CCR5AS: variants seen among roughly 807,000 people sequenced by gnomAD.
The protein encoded by CCR5AS is CCR5 antisense RNA.
At chr3:46,407,019 A>G (rs988801807) in exon 1 of CCR5AS, 10 of 152,564 alleles carry the variant, frequency 6.6e-5, no homozygotes, top group African/African-American at 2.4e-4. Flanking sequence ...GTCACCACAT[A>G]CCTTCCTCCC....
chr3:46,401,842 A>T (rs1430421425), intron 1 of CCR5AS, among the ~76,000 whole-genome samples: 1 of 151,322 alleles, frequency 6.6e-6, no homozygotes, highest in Non-Finnish European at 1.5e-5. Context: ...TAGTATTTGT[A>T]TGTCTAAGGA....
At chr3:46,377,495 T>C (rs771113791) in intron 2 of CCR5AS, among the ~76,000 whole-genome samples, 2 of 152,228 alleles carry the variant, frequency 1.3e-5, no homozygotes, top group Non-Finnish European at 2.9e-5. Flanking sequence ...GGGTTCTTAG[T>C]TTAAATCGCT....
intron 2 of CCR5AS, chr3:46,375,263 G>A (rs780412321): frequency 2.4e-5 from 4 of 166,940 alleles, no homozygotes; most frequent in Non-Finnish European, 5.9e-5. Flanking sequence ...ATGAATACAC[G>A]AGGTATGAGG....
chr3:46,372,440 AT>A (rs1701675835), intron 2 of CCR5AS, among the ~76,000 whole-genome samples: 1 of 151,960 alleles, frequency 6.6e-6, no homozygotes, highest in African/African-American at 2.4e-5. Context: ...AGGTGAGAGG[AT>A]TGCTTGAGCC....
At chr3:46,373,417 A>C (rs377330713) in intron 2 of CCR5AS, 244 of 1,612,314 alleles carry the variant, frequency 1.5e-4, no homozygotes, top group Non-Finnish European at 1.9e-4. Flanking sequence ...TCTCAAAAAG[A>C]AGGTCTTCAT....
At chr3:46,379,005 T>C (rs1007689021) in intron 2 of CCR5AS, among the ~76,000 whole-genome samples, 6 of 151,042 alleles carry the variant, frequency 4.0e-5, no homozygotes, top group Non-Finnish European at 7.4e-5. Flanking sequence ...AAATTTCTTT[T>C]TTTTTTTTTT....
At chr3:46,406,244 C>G (rs564621835) in intron 1 of CCR5AS, among the ~76,000 whole-genome samples, 1 of 152,120 alleles carries the variant, frequency 6.6e-6, no homozygotes, top group African/African-American at 2.4e-5. Flanking sequence ...TCAGACACAT[C>G]TTTGGTGGGA....
chr3:46,405,472 G>A (rs932408123), intron 1 of CCR5AS, among the ~76,000 whole-genome samples: 4 of 152,100 alleles, frequency 2.6e-5, no homozygotes, highest in African/African-American at 9.7e-5. Flanking sequence ...TCCTTTTCCT[G>A]GAACTGATCC....
chr3:46,391,187 G>A (rs145601769), intron 2 of CCR5AS, among the ~76,000 whole-genome samples: 6,273 of 152,258 alleles, frequency 0.041, 395 homozygotes, highest in African/African-American at 0.14. Context: ...CCAGATTTCC[G>A]GCACTTGAAG....
At chr3:46,383,854 G>A (rs1424046702) in intron 2 of CCR5AS, among the ~76,000 whole-genome samples, 1 of 152,198 alleles carries the variant, frequency 6.6e-6, no homozygotes, top group Non-Finnish European at 1.5e-5. Context: ...GGCCAGCTAT[G>A]TGCCAGATGC....
At chr3:46,378,891 A>G (rs1701786892) in intron 2 of CCR5AS, among the ~76,000 whole-genome samples, 1 of 152,180 alleles carries the variant, frequency 6.6e-6, no homozygotes, top group South Asian at 2.1e-4. Flanking sequence ...TTCATATTGC[A>G]TAAAATGCTT....
intron 2 of CCR5AS, among the ~76,000 whole-genome samples, chr3:46,372,201 C>A (rs865923187): frequency 6.6e-6 from 1 of 152,104 alleles, no homozygotes; most frequent in South Asian, 2.1e-4. Flanking sequence ...AGTGCATGTT[C>A]TTTGTGGGCT....
chr3:46,372,106 T>C (rs1335680585), intron 2 of CCR5AS, among the ~76,000 whole-genome samples: 2 of 152,218 alleles, frequency 1.3e-5, no homozygotes, highest in Non-Finnish European at 2.9e-5. Context: ...AAGGATTAAA[T>C]GAATGAATGG....
intron 2 of CCR5AS, among the ~76,000 whole-genome samples, chr3:46,380,418 T>C (rs1365254025): frequency 6.6e-6 from 1 of 152,104 alleles, no homozygotes; most frequent in Non-Finnish European, 1.5e-5. Context: ...CCCTTTTACT[T>C]AGAAAAAAGG....
Position 46,367,218 on chromosome 3 carries a change from G to A in CCR5AS, n.566-2173C>T, listed in dbSNP as rs909327128. ...GGGATGTTCCTTATCATCTTGATCCGGAGTGGTAGTTACATGCATGTGTGC... is the reference window on the plus strand; with the variant it reads ...GGGATGTTCCTTATCATCTTGATCCAGAGTGGTAGTTACATGCATGTGTGC... On this transcript the variant is annotated intron_variant and non_coding_transcript_variant, in intron 3 of 3. Transcript: ENST00000451485. Among the ~76,000 whole-genome samples the A allele has an allele frequency of 5.3e-5, 8 of 152,086 alleles. No homozygotes were observed. The East Asian group carries it at 9.7e-4, about 18-fold the overall frequency.
intron 1 of CCR5AS, among the ~76,000 whole-genome samples, chr3:46,405,095 T>C (rs948802040): frequency 2.0e-5 from 3 of 152,246 alleles, no homozygotes; most frequent in Non-Finnish European, 2.9e-5. Context: ...AAGAGAACTT[T>C]CCTTTCGCCT....
chr3:46,384,830 T>C (rs1313142404), intron 2 of CCR5AS, among the ~76,000 whole-genome samples: 1 of 151,850 alleles, frequency 6.6e-6, no homozygotes, highest in Non-Finnish European at 1.5e-5. Flanking sequence ...GATAGATAGG[T>C]AGATAGATGG....
At chr3:46,381,469 C>A (rs764001137) in intron 2 of CCR5AS, among the ~76,000 whole-genome samples, 1 of 152,204 alleles carries the variant, frequency 6.6e-6, no homozygotes, top group East Asian at 1.9e-4. Context: ...TACACACACA[C>A]AAACACCTCC....
At chr3:46,379,605 C>T (rs906427717) in intron 2 of CCR5AS, among the ~76,000 whole-genome samples, 4 of 152,056 alleles carry the variant, frequency 2.6e-5, no homozygotes, top group Admixed American at 2.6e-4. Context: ...CCTCTAAATG[C>T]ACTGCTTCGC....
Sources: gnomAD v4.1 joint callset for allele counts (sites outside exome capture counted in the v4.1 genomes callset) on GRCh38, gnomAD v4.1.1 for gene constraint, MANE v1.5 for transcripts, NCBI Gene and HGNC (gene_info 2026-07-23, HGNC 2026-07-21) for gene names.